ZIC5: variants seen among roughly 807,000 people sequenced by gnomAD.
ZIC5 encodes the protein Zic family zinc finger 5, also known as zinc finger protein ZIC 5.
In ZIC5, 20 loss-of-function variants were observed where a neutral mutation model predicts 28.5. The observed-to-expected ratio is 0.70, with a 90% CI of 0.49 to 1.02. The LOEUF is 1.02. Ranked by LOEUF, ZIC5 falls within the 50% of genes least tolerant of loss-of-function variation. The pLI is 0.00. For missense variants in ZIC5, 951 were observed against 899.7 expected, an observed-to-expected ratio of 1.06 and a Z score of -0.73; for synonymous variants, 488 against 410.4, an observed-to-expected ratio of 1.19 and a Z score of -2.29.
chr13:99,965,033 A>G lies in ZIC5; in HGVS notation c.*344T>C, dbSNP rs1443156239. 2 of 147,138 alleles carry G rather than the reference A, an allele frequency of 1.4e-5. No individual in the cohort carries two copies. The highest frequency in any genetic ancestry group is 5.0e-5 in the African/African-American group (2 of 40,188). 9.1% of individuals were successfully genotyped at this position (147,138 alleles called of 1,614,324 possible). ...TATATATATATATGTATATATATAT[A>G]TATATATATATTGCATCGGCAGTGT... On this transcript the variant is annotated 3_prime_UTR_variant, in exon 2 of 2. Coordinates refer to ENST00000267294, the MANE Select transcript of ZIC5 (RefSeq NM_033132.5).
chr13:99,971,152 A>G lies in ZIC5; in HGVS notation c.452T>C (p.Leu151Pro). Reference protein sequence around the residue: ...PPPPPPPPPALSGYTTTNSGG... With the variant: ...PPPPPPPPPAPSGYTTTNSGG... ...ACTGTTGGTGGTGGTGTAGCCCGAG[A>G]GGGCAGGAGGAGGAGGAGGCGGGGG... Residue 151 changes from leucine to proline, a missense_variant, in exon 1 of 2, where the codon CTC becomes CCC. By Grantham distance (98) the Leu-to-Pro change is moderately conservative. Around this residue, in one of 3 missense-constraint regions of ZIC5, gnomAD observed 784 missense variants for 660.1 expected, o/e 1.19. Transcript: ENST00000267294. 1.8e-6 allele frequency: 2 copies of G among 1,133,970 alleles called. No individual in the cohort carries two copies. Among genetic ancestry groups the G allele is most frequent in the East Asian group, 1.7e-4 (2 of 11,588 alleles). The allele number at this position is 1,133,970 out of a possible 1,614,324, so 70.2% of individuals were successfully genotyped here.
At chr13:99,967,026 CAT>C (rs2053105586) in intron 1 of ZIC5, among the ~76,000 whole-genome samples, 1 of 152,202 alleles carries the variant, frequency 6.6e-6, no homozygotes, top group Admixed American at 6.5e-5. Context: ...TTGAATTTCT[CAT>C]ATTTCAGCAG....
chr13:99,970,106 C>T (rs2053136485), intron 1 of ZIC5, 21 bp downstream of exon 1: 1 of 1,588,694 alleles, frequency 6.3e-7, no homozygotes, highest in African/African-American at 1.5e-5. Flanking sequence ...GGCGGCGGCG[C>T]GGCCGGGGAC....
In ZIC5 at chr13:99,964,660, A is replaced by T. The variant is rs1157459616; in HGVS notation, c.*717T>A. ...TATTAAGGTTGCTGCATCTTTTTTTAAAATCACACAGTAGGATACTGAAGA... is the reference window on the plus strand; with the variant it reads ...TATTAAGGTTGCTGCATCTTTTTTTTAAATCACACAGTAGGATACTGAAGA... On this transcript the variant is annotated 3_prime_UTR_variant, in exon 2 of 2. Coordinates refer to ENST00000267294, the MANE Select transcript of ZIC5 (RefSeq NM_033132.5). 1 of 152,620 alleles carries T rather than the reference A, an allele frequency of 6.6e-6. No homozygotes were observed. The highest frequency in any genetic ancestry group is 2.4e-5 in the African/African-American group (1 of 41,456). 9.5% of individuals were successfully genotyped at this position (152,620 alleles called of 1,614,324 possible).
Position 99,965,045 on chromosome 13 carries a change from T to TATA in ZIC5, c.*331_*332insTAT, listed in dbSNP as rs1280947330. ...TGTATATATATATATATATATATAT[T>TATA]GCATCGGCAGTGTGTATCGCCATTA... On this transcript the variant is annotated 3_prime_UTR_variant, in exon 2 of 2. Coordinates refer to ENST00000267294, the MANE Select transcript of ZIC5 (RefSeq NM_033132.5). 1 of 138,086 alleles carries TATA rather than the reference T, an allele frequency of 7.2e-6. No homozygotes were observed. The highest frequency in any genetic ancestry group is 7.1e-5 in the Admixed American group (1 of 14,000). The allele number at this position is 138,086 out of a possible 1,614,324, so 8.6% of individuals were successfully genotyped here. A position where few individuals can be genotyped will look rare whatever the true frequency, so the allele number is the denominator to read the frequency against.
chr13:99,970,063 G>C (rs1180317615), intron 1 of ZIC5, 64 bp downstream of exon 1: 2 of 1,597,662 alleles, frequency 1.3e-6, no homozygotes, highest in East Asian at 4.5e-5. Flanking sequence ...AAGCAGCGGC[G>C]GAAGCGGCGG....
At position 99,970,113 on chromosome 13, in the gene ZIC5, GGACA is replaced by G; in HGVS notation, c.1477+10_1477+13del. On this transcript the variant is annotated intron_variant, in intron 1 of 1. Coordinates refer to ENST00000267294, the MANE Select transcript of ZIC5 (RefSeq NM_033132.5). ...GTGGCGGCGGCGGCGGCGCGGCCGG[GGACA>G]GACACCCACCTGTATGAGTACGCTT... 7 of 1,599,760 alleles carry G rather than the reference GGACA, an allele frequency of 4.4e-6. No homozygotes were observed. The highest frequency in any genetic ancestry group is 6.0e-6 in the Non-Finnish European group (7 of 1,174,316).
In ZIC5 at chr13:99,970,622, G is replaced by C; in HGVS notation, c.982C>G (p.Gln328Glu). Residue 328 changes from glutamine (Q) to glutamate (E), a missense_variant, in exon 1 of 2, where the codon CAG becomes GAG. Gln to Glu is a conservative substitution (Grantham distance 29, BLOSUM62 2). Transcript: ENST00000267294. ...AAAAGPGPHL[Q>E]HHAPPPAPPP... ...GGCGCCGGGGGCGGCGCGTGGTGCT[G>C]CAGGTGGGGCCCGGGCCCGGCCGCT... is the stretch of plus-strand genomic sequence containing the variant. 9.5e-7 allele frequency: 1 copy of C among 1,057,042 alleles called. No individual in the cohort carries two copies. The highest frequency in any genetic ancestry group is 1.1e-6 in the Non-Finnish European group (1 of 880,430). 65.5% of individuals were successfully genotyped at this position (1,057,042 alleles called of 1,614,324 possible). A position where few individuals can be genotyped will look rare whatever the true frequency, so the allele number is the denominator to read the frequency against.
At chr13:99,969,991 T>C (rs1472340663) in intron 1 of ZIC5, 136 bp downstream of exon 1, 5 of 1,348,716 alleles carry the variant, frequency 3.7e-6, no homozygotes, top group Non-Finnish European at 5.1e-6. Context: ...GTCCGGGTTA[T>C]ACGTATGCGA....
upstream of ZIC5, chr13:99,971,801 G>T (rs1446335239): frequency 7.7e-7 from 1 of 1,292,382 alleles, no homozygotes. Context: ...GTGGGACCGA[G>T]ATTTTGGAAA....
chr13:99,971,174 G>A lies in ZIC5; in HGVS notation c.430C>T (p.Pro144Ser). The change falls in exon 1 of 2, where the codon CCG (proline) becomes TCG (serine). Residue 144 changes from proline (P) to serine (S), a missense_variant. Pro to Ser is a moderately conservative substitution (Grantham distance 74, BLOSUM62 -1). Transcript: ENST00000267294. The part of the protein sequence containing the change: ...PPTPSPPPPP[P>S]PPPPPALSGY... ...GAGAGGGCAGGAGGAGGAGGAGGCGGGGGAGGGGGAGGGGGTGAAGGGGTG... is the reference window on the plus strand; with the variant it reads ...GAGAGGGCAGGAGGAGGAGGAGGCGAGGGAGGGGGAGGGGGTGAAGGGGTG... 8.2e-6 allele frequency: 11 copies of A among 1,345,238 alleles called. No individual in the cohort carries two copies. Among genetic ancestry groups the A allele is most frequent in the Non-Finnish European group, 1.0e-5 (11 of 1,053,000 alleles). 83.3% of individuals were successfully genotyped at this position (1,345,238 alleles called of 1,614,324 possible).
chr13:99,970,719 T>G lies in ZIC5; in HGVS notation c.885A>C (p.Ala295=). The part of the protein sequence containing the change: ...GDAHYGAVAA[A]AAAALHGYGA... ...CGTAGCCGTGCAGGGCGGCCGCCGC[T>G]GCGGCCGCAACCGCCCCGTAGTGCG... is the stretch of plus-strand genomic sequence containing the variant. Residue 295 remains alanine, a synonymous_variant, in exon 1 of 2, where the codon GCA becomes GCC. Transcript: ENST00000267294. 1 of 1,184,132 alleles carries G rather than the reference T, an allele frequency of 8.4e-7. No homozygotes were observed. Among genetic ancestry groups the G allele is most frequent in the Non-Finnish European group, 1.0e-6 (1 of 954,988 alleles). The allele number at this position is 1,184,132 out of a possible 1,614,324, so 73.4% of individuals were successfully genotyped here.
In ZIC5 at chr13:99,962,990, T is replaced by C. The variant is rs893085468; in HGVS notation, c.*2387A>G. The C allele has an allele frequency of 2.0e-5, 3 of 152,232 alleles. No homozygotes were observed. The highest frequency in any genetic ancestry group is 7.2e-5 in the African/African-American group (3 of 41,464). The allele number at this position is 152,232 out of a possible 1,614,324, so 9.4% of individuals were successfully genotyped here. A position where few individuals can be genotyped will look rare whatever the true frequency, so the allele number is the denominator to read the frequency against. ...CCATTAGCAACCTGTTCTATTTGTA[T>C]GAGAGATATGCCATTATGTAAAACA... is the stretch of plus-strand genomic sequence containing the variant. On this transcript the variant is annotated 3_prime_UTR_variant, in exon 2 of 2. Coordinates refer to ENST00000267294, the MANE Select transcript of ZIC5 (RefSeq NM_033132.5).
chr13:99,969,557 T>C (rs955317279), intron 1 of ZIC5, among the ~76,000 whole-genome samples: 1 of 151,872 alleles, frequency 6.6e-6, no homozygotes, highest in African/African-American at 2.4e-5. Context: ...GAAAGCGCAT[T>C]CCTGTCTTCC....
intron 1 of ZIC5, among the ~76,000 whole-genome samples, chr13:99,967,176 T>C (rs1345183895): frequency 1.3e-5 from 2 of 152,240 alleles, no homozygotes; most frequent in Non-Finnish European, 1.5e-5. Context: ...GATATTTTAC[T>C]GTAGTGAGTT....
rs2053160371 is a variant in ZIC5, at chr13:99,971,546, T to C, written c.58A>G (p.Thr20Ala). 6.4e-7 allele frequency: 1 copy of C among 1,552,332 alleles called. No individual in the cohort carries two copies. The highest frequency in any genetic ancestry group is 2.0e-5 in the Admixed American group (1 of 51,146). Residue 20 changes from threonine to alanine, a missense_variant, in exon 1 of 2, where the codon ACG becomes GCG. Thr to Ala is a moderately conservative substitution (Grantham distance 58). Coordinates refer to ENST00000267294, the MANE Select transcript of ZIC5 (RefSeq NM_033132.5). ...TTCTGAAGCGGCTGGACCTGAGCCGTTGCCAAATCCGCTAATCTCAGCGCT... is the reference window on the plus strand; with the variant it reads ...TTCTGAAGCGGCTGGACCTGAGCCGCTGCCAAATCCGCTAATCTCAGCGCT... ...PPALRLADLATAQVQPLQNMT... is the reference protein window; with the variant it reads ...PPALRLADLAAAQVQPLQNMT...
chr13:99,970,434 C>T lies in ZIC5; in HGVS notation c.1170G>A (p.Pro390=), dbSNP rs993293091. The T allele has an allele frequency of 9.7e-7, 1 of 1,026,036 alleles. No individual in the cohort carries two copies. The highest frequency in any genetic ancestry group is 1.2e-6 in the Non-Finnish European group (1 of 856,632). The allele number at this position is 1,026,036 out of a possible 1,614,324, so 63.6% of individuals were successfully genotyped here. A position where few individuals can be genotyped will look rare whatever the true frequency, so the allele number is the denominator to read the frequency against. Residue 390 remains proline (P), a synonymous_variant, in exon 1 of 2, where the codon CCG becomes CCA. Transcript: ENST00000267294. ...GCGGTGGCGGCGGCGGCGGCGGCGG[C>T]GGCGGCGGCGGCGGCAGCCCGGCCA... ...DELAGLPPPP[P]PPPPPPPPPP...
At position 99,963,875 on chromosome 13, in the gene ZIC5, A is replaced by G. The variant is rs965777184; in HGVS notation, c.*1502T>C. ...ACATCAACCACTCACAGCACACAAA[A>G]CAAATTTCTACAAACCCTGGGGAGG... On this transcript the variant is annotated 3_prime_UTR_variant, in exon 2 of 2. Transcript: ENST00000267294. 13 of 152,326 alleles carry G rather than the reference A, an allele frequency of 8.5e-5. No individual in the cohort carries two copies. The highest frequency in any genetic ancestry group is 2.7e-4 in the African/African-American group (11 of 41,462). The allele number at this position is 152,326 out of a possible 1,614,324, so 9.4% of individuals were successfully genotyped here. A position where few individuals can be genotyped will look rare whatever the true frequency, so the allele number is the denominator to read the frequency against.
At position 99,970,299 on chromosome 13, in the gene ZIC5, G is replaced by C; in HGVS notation, c.1305C>G (p.Val435=). 3 of 1,613,694 alleles carry C rather than the reference G, an allele frequency of 1.9e-6. No individual in the cohort carries two copies. The highest frequency in any genetic ancestry group is 2.5e-6 in the Non-Finnish European group (3 of 1,179,808). Reference sequence around the variant, plus strand: ...CGCGCGGACAGTCCTCCCAGAAGCAGACGTGGCTGCTCTGCTCGGGGCCTC... The same window carrying C: ...CGCGCGGACAGTCCTCCCAGAAGCACACGTGGCTGCTCTGCTCGGGGCCTC... ...HVGGPEQSSH[V]CFWEDCPREG... is the part of the protein sequence containing the mutation. The change falls in exon 1 of 2, where the codon GTC becomes GTG. Residue 435 remains valine (V), a synonymous_variant. Transcript: ENST00000267294.
Sources: gnomAD v4.1 joint callset for allele counts (sites outside exome capture counted in the v4.1 genomes callset) on GRCh38, gnomAD v4.1.1 for gene constraint, gnomAD v4.1.1 regional missense constraint, MANE v1.5 for transcripts, NCBI Gene and HGNC (gene_info 2026-07-23, HGNC 2026-07-21) for gene names.